The following MRPL34 variants were observed in gnomAD, a reference collection of about 807,000 sequenced individuals.
The protein encoded by MRPL34 is large ribosomal subunit protein bL34m.
In MRPL34, 8 loss-of-function variants were observed where a neutral mutation model predicts 6.7. That is an observed-to-expected ratio of 1.20 (90% CI 0.70 to 2.16). The LOEUF (loss-of-function observed/expected upper bound fraction) is 2.16, where lower values mean the gene tolerates loss of function less well. MRPL34 is among the 30% of genes most tolerant of loss of function. The pLI, the probability that MRPL34 is intolerant of heterozygous loss-of-function variation, is 0.00. For missense variants in MRPL34, 146 were observed against 125.5 expected, an observed-to-expected ratio of 1.16 and a Z score of -0.78; for synonymous variants, 59 against 55.1, an observed-to-expected ratio of 1.07 and a Z score of -0.31.
upstream of MRPL34, chr19:17,305,784 T>C (rs562250550): frequency 8.2e-6 from 10 of 1,217,164 alleles, no homozygotes; most frequent in East Asian, 2.3e-5. Context: ...ACGGCCTCTT[T>C]TTTGCACGTT....
chr19:17,300,710 T>G, upstream of MRPL34: 2 of 1,056,256 alleles, frequency 1.9e-6, no homozygotes, highest in Non-Finnish European at 2.7e-6. Context: ...ACTCCCAACC[T>G]CAGGTGATCC....
intron 1 of MRPL34, among the ~76,000 whole-genome samples, chr19:17,293,484 G>A (rs1256578555): frequency 6.7e-6 from 1 of 149,080 alleles, no homozygotes; most frequent in African/African-American, 2.5e-5. Context: ...CGGGGAAGGG[G>A]CGGGTAGCTG....
chr19:17,305,436 G>A (rs1263832429), upstream of MRPL34, among the ~76,000 whole-genome samples: 1 of 152,162 alleles, frequency 6.6e-6, no homozygotes, highest in African/African-American at 2.4e-5. Flanking sequence ...GCCAAGAGGC[G>A]GAGACTTGGC....
At chr19:17,301,996 G>A (rs2074122323), upstream of MRPL34, among the ~76,000 whole-genome samples, 1 of 152,118 alleles carries the variant, frequency 6.6e-6, no homozygotes, top group South Asian at 2.1e-4. Flanking sequence ...GTTTCACCAT[G>A]TTGGCCAGGC....
chr19:17,294,635 C>A, intron 1 of MRPL34: 1 of 1,609,292 alleles, frequency 6.2e-7, no homozygotes, highest in Non-Finnish European at 8.5e-7. Flanking sequence ...CCTGGGTTCG[C>A]CAGGGCCAGG....
In MRPL34 at chr19:17,293,660, C is replaced by T. The variant is rs894843419; in HGVS notation, c.214+806C>T. ...GGCAGAATCCTCCTTAGTTAAGAAC[C>T]ACCAGTCCAGTTATACTTTAATGGT... On this transcript the variant is annotated intron_variant, in intron 1 of 2. Coordinates refer to the MRPL34 transcript ENST00000595444. 4.0e-5 allele frequency among the ~76,000 whole-genome samples: 6 copies of T among 151,242 alleles called. No homozygotes were observed. In the East Asian group the frequency reaches 5.8e-4, roughly 15 times the overall value.
upstream of MRPL34, chr19:17,305,820 CT>C (rs1355336061): frequency 6.9e-7 from 1 of 1,457,142 alleles, no homozygotes; most frequent in Admixed American, 1.7e-5. Context: ...TCCCATAATC[CT>C]TTGTTCCAGG....
chr19:17,302,485 C>G (rs557523118), upstream of MRPL34, among the ~76,000 whole-genome samples: 1 of 152,192 alleles, frequency 6.6e-6, no homozygotes, highest in African/African-American at 2.4e-5. Flanking sequence ...GGTGAGCCCC[C>G]AGTGAGGCTC....
upstream of MRPL34, among the ~76,000 whole-genome samples, chr19:17,299,553 T>G (rs1394277729): frequency 1.1e-5 from 1 of 93,592 alleles, no homozygotes; most frequent in African/African-American, 4.3e-5. Context: ...AGAGTGAGAC[T>G]CCATCTCAAA....
chr19:17,300,617 A>G (rs935348818), upstream of MRPL34, among the ~76,000 whole-genome samples: 1 of 152,164 alleles, frequency 6.6e-6, no homozygotes, highest in Non-Finnish European at 1.5e-5. Flanking sequence ...AGCTGGGACT[A>G]CAGGCGCGTG....
upstream of MRPL34, chr19:17,301,466 G>A (rs1462832548): frequency 6.2e-7 from 1 of 1,611,670 alleles, no homozygotes. Context: ...GCTGGGGCGG[G>A]TCCTGCATGC....
At chr19:17,305,206 G>A (rs2074139737), upstream of MRPL34, among the ~76,000 whole-genome samples, 1 of 151,870 alleles carries the variant, frequency 6.6e-6, no homozygotes, top group African/African-American at 2.4e-5. Context: ...GAGTAGGGGA[G>A]GGGTTCAGAT....
upstream of MRPL34, among the ~76,000 whole-genome samples, chr19:17,300,352 C>T (rs1313696768): frequency 6.6e-6 from 1 of 151,980 alleles, no homozygotes; most frequent in East Asian, 1.9e-4. Flanking sequence ...TATATGCGTG[C>T]ACCTCCTCAC....
At chr19:17,295,257 C>T (rs965751955) in intron 1 of MRPL34, among the ~76,000 whole-genome samples, 23 of 152,040 alleles carry the variant, frequency 1.5e-4, no homozygotes, top group African/African-American at 2.7e-4. Flanking sequence ...AGGCGCCCGC[C>T]ACCGCGCCCG....
chr19:17,296,466 A>T (rs2074094215), intron 1 of MRPL34: 1 of 152,144 alleles, frequency 6.6e-6, no homozygotes, highest in African/African-American at 2.4e-5. Flanking sequence ...AGGGGAGGTC[A>T]CTGTTTCCTA....
upstream of MRPL34, chr19:17,303,220 T>C (rs1367274984): frequency 1.3e-5 from 2 of 152,150 alleles, no homozygotes; most frequent in Non-Finnish European, 2.9e-5. Context: ...ATCTCTCCTT[T>C]TGGGGCCCGT....
At position 17,306,464 on chromosome 19, in the gene MRPL34, GGGAGCAGGAACGCCTC is replaced by G; in HGVS notation, c.*89_*104del. ...CTGGCGCTATTTTTGCAGGGAGCTG[GGGAGCAGGAACGCCTC>G]GGACCTGAGTGCTCTCCATATTGTG... On this transcript the variant is annotated 3_prime_UTR_variant, in exon 2 of 2. Coordinates refer to ENST00000252602, the MANE Select transcript of MRPL34 (RefSeq NM_023937.4). 1.5e-6 allele frequency: 2 copies of G among 1,314,426 alleles called. No homozygotes were observed. Among genetic ancestry groups the G allele is most frequent in the Non-Finnish European group, 2.1e-6 (2 of 974,606 alleles). 81.4% of individuals were successfully genotyped at this position (1,314,426 alleles called of 1,614,324 possible). A position where few individuals can be genotyped will look rare whatever the true frequency, so the allele number is the denominator to read the frequency against.
chr19:17,292,910 C>T (rs2074077496), intron 1 of MRPL34: 6 of 1,460,432 alleles, frequency 4.1e-6, no homozygotes, highest in Non-Finnish European at 5.6e-6. Context: ...CTCCGCCATA[C>T]ACACATGGCC....
chr19:17,298,735 C>CTT (rs34731394), upstream of MRPL34, among the ~76,000 whole-genome samples: 9,102 of 71,264 alleles, frequency 0.13, 450 homozygotes, highest in Non-Finnish European at 0.16. Context: ...AACAACACTG[C>CTT]TTTTTTTTTT....
Sources: gnomAD v4.1 joint callset for allele counts (sites outside exome capture counted in the v4.1 genomes callset) on GRCh38, gnomAD v4.1.1 for gene constraint, MANE v1.5 for transcripts, NCBI Gene and HGNC (gene_info 2026-07-23, HGNC 2026-07-21) for gene names.